Variants in CHST8 observed in about 807,000 individuals in gnomAD.
The protein encoded by CHST8 is carbohydrate sulfotransferase 8.
A neutral mutation model predicts 15.0 loss-of-function variants in CHST8; 10 were observed. The observed-to-expected ratio is 0.67, with a 90% CI of 0.41 to 1.13. CHST8 has a LOEUF of 1.13. Among genes scored for constraint, CHST8 ranks in the 50% most tolerant of loss-of-function variants. CHST8 has a pLI of 0.00. For missense variants in CHST8, 634 were observed against 608.2 expected, an observed-to-expected ratio of 1.04 and a Z score of -0.45; for synonymous variants, 259 against 256.6, an observed-to-expected ratio of 1.01 and a Z score of -0.09.
At chr19:33,641,192 C>T (rs927352931) in intron 1 of CHST8, among the ~76,000 whole-genome samples, 4 of 152,162 alleles carry the variant, frequency 2.6e-5, no homozygotes, top group Admixed American at 6.5e-5. Context: ...CTGTCTGCAC[C>T]GTCCATCCCA....
intron 2 of CHST8, among the ~76,000 whole-genome samples, chr19:33,673,115 G>C (rs963535518): frequency 1.3e-5 from 2 of 152,192 alleles, no homozygotes; most frequent in Non-Finnish European, 2.9e-5. Context: ...GGGCTGTGTG[G>C]TCCGTGGGCG....
intron 3 of CHST8, among the ~76,000 whole-genome samples, chr19:33,762,138 G>A (rs185924806): frequency 1.3e-5 from 2 of 152,314 alleles, no homozygotes; most frequent in East Asian, 1.9e-4. Flanking sequence ...AGTGGGTGGC[G>A]CGGGTGTGCT....
At position 33,757,592 on chromosome 19, in the gene CHST8, GAAAGAAAGAAAGA is replaced by G. The variant is rs1568359125; in HGVS notation, c.131-13820_131-13808del. Among the ~76,000 whole-genome samples, 5 of 142,632 alleles carry G rather than the reference GAAAGAAAGAAAGA, an allele frequency of 3.5e-5. 1 individual carries two copies. Among genetic ancestry groups the G allele is most frequent in the African/African-American group, 1.3e-4 (5 of 38,198 alleles). The allele number at this position is 142,632 out of a possible 152,430, so 93.6% of individuals were successfully genotyped here. On this transcript the variant is annotated intron_variant, in intron 3 of 4. Coordinates refer to ENST00000650847, the MANE Select transcript of CHST8 (RefSeq NM_001127895.2). Reference sequence around the variant, plus strand: ...AGAAAGAAAGAAAGAAAGAAAGAAAGAAAGAAAGAAAGAGCCGGCCATTCAGAAGGGAGCAGAA... The same window carrying G: ...AGAAAGAAAGAAAGAAAGAAAGAAAGGCCGGCCATTCAGAAGGGAGCAGAA...
At chr19:33,642,163 C>T (rs1350444394) in intron 1 of CHST8, among the ~76,000 whole-genome samples, 1 of 152,070 alleles carries the variant, frequency 6.6e-6, no homozygotes, top group Non-Finnish European at 1.5e-5. Flanking sequence ...CTGGGACATC[C>T]CTGTCTGCTG....
chr19:33,734,203 A>C (rs1974041583), intron 3 of CHST8, among the ~76,000 whole-genome samples: 1 of 152,180 alleles, frequency 6.6e-6, no homozygotes. Context: ...GGTGGTCCTC[A>C]CTGCTACACT....
intron 1 of CHST8, among the ~76,000 whole-genome samples, chr19:33,635,255 C>T (rs890859347): frequency 3.3e-5 from 5 of 152,130 alleles, no homozygotes; most frequent in East Asian, 1.9e-4. Flanking sequence ...TCATGAAGAC[C>T]GTGGTGAAGC....
chr19:33,676,961 T>A (rs549998814), intron 2 of CHST8, among the ~76,000 whole-genome samples: 5 of 152,272 alleles, frequency 3.3e-5, no homozygotes, highest in African/African-American at 1.2e-4. Context: ...GGTCATTGGA[T>A]GTGTCATTTG....
At chr19:33,705,124 T>C (rs1973422133) in intron 3 of CHST8, among the ~76,000 whole-genome samples, 1 of 151,980 alleles carries the variant, frequency 6.6e-6, no homozygotes, top group Non-Finnish European at 1.5e-5. Flanking sequence ...CCTATTTGGC[T>C]CCATGCCTGC....
Position 33,757,601 on chromosome 19 carries a change from A to G in CHST8, c.131-13812A>G, listed in dbSNP as rs919576926. Among the ~76,000 whole-genome samples, 2 of 145,172 alleles carry G rather than the reference A, an allele frequency of 1.4e-5. 1 individual carries two copies. Among genetic ancestry groups the G allele is most frequent in the African/African-American group, 5.1e-5 (2 of 38,868 alleles). On this transcript the variant is annotated intron_variant, in intron 3 of 4. Transcript: ENST00000650847. The stretch of plus-strand genomic sequence containing the variant: ...GAAAGAAAGAAAGAAAGAAAGAAAG[A>G]AAGAGCCGGCCATTCAGAAGGGAGC...
intron 2 of CHST8, among the ~76,000 whole-genome samples, chr19:33,682,695 C>G (rs558023345): frequency 6.6e-6 from 1 of 152,330 alleles, no homozygotes; most frequent in South Asian, 2.1e-4. Context: ...AACATGATGG[C>G]TTCAAGAGTC....
chr19:33,746,732 G>A (rs992743762), intron 3 of CHST8, among the ~76,000 whole-genome samples: 2 of 152,206 alleles, frequency 1.3e-5, no homozygotes, highest in African/African-American at 4.8e-5. Context: ...TGAGTTCTGC[G>A]AAGCAGGGGG....
At chr19:33,638,845 C>G (rs1478023475) in intron 1 of CHST8, among the ~76,000 whole-genome samples, 2 of 152,002 alleles carry the variant, frequency 1.3e-5, no homozygotes, top group Admixed American at 1.3e-4. Context: ...TCCTCCATCC[C>G]CTGGTGAGAT....
At chr19:33,697,135 G>A (rs1217512737) in intron 3 of CHST8, among the ~76,000 whole-genome samples, 1 of 151,718 alleles carries the variant, frequency 6.6e-6, no homozygotes, top group Non-Finnish European at 1.5e-5. Flanking sequence ...GAACCACCTT[G>A]CCCAGCCTGT....
intron 3 of CHST8, among the ~76,000 whole-genome samples, chr19:33,704,417 T>A (rs1351396637): frequency 1.3e-5 from 2 of 151,920 alleles, no homozygotes; most frequent in Non-Finnish European, 2.9e-5. Context: ...CTGGGATCCA[T>A]CAGACAGTAG....
chr19:33,630,509 C>A (rs1027388766), intron 1 of CHST8, among the ~76,000 whole-genome samples: 1 of 145,018 alleles, frequency 6.9e-6, no homozygotes, highest in Admixed American at 7.0e-5. Flanking sequence ...GGAGCCAGCA[C>A]GTGGGTCAGG....
intron 1 of CHST8, among the ~76,000 whole-genome samples, chr19:33,623,194 G>A (rs996008581): frequency 6.6e-6 from 1 of 152,212 alleles, no homozygotes; most frequent in Non-Finnish European, 1.5e-5. Context: ...ACCCCGACCC[G>A]GAGTTGAAGC....
intron 1 of CHST8, among the ~76,000 whole-genome samples, chr19:33,645,784 C>T (rs117520825): frequency 0.012 from 1,753 of 152,166 alleles, 17 homozygotes; most frequent in Middle Eastern, 0.02. Flanking sequence ...TATTGGCTGC[C>T]CAGAAAAGCC....
chr19:33,739,194 G>T (rs1974140614), intron 3 of CHST8, among the ~76,000 whole-genome samples: 1 of 152,180 alleles, frequency 6.6e-6, no homozygotes, highest in South Asian at 2.1e-4. Flanking sequence ...GTTAATTTCA[G>T]CCAGGATGGA....
chr19:33,751,468 A>G (rs1974419518), intron 3 of CHST8, among the ~76,000 whole-genome samples: 1 of 152,230 alleles, frequency 6.6e-6, no homozygotes, highest in Non-Finnish European at 1.5e-5. Flanking sequence ...TCTGCCCTCA[A>G]GCAGCCCCCA....
Sources: allele counts gnomAD v4.1 joint callset (sites outside exome capture counted in the v4.1 genomes callset), GRCh38; gene constraint gnomAD v4.1.1; transcripts MANE v1.5; gene names NCBI Gene and HGNC (gene_info 2026-07-23, HGNC 2026-07-21).